The following IGLL5 variants were observed in gnomAD, a reference collection of about 807,000 sequenced individuals.
IGLL5 encodes the protein immunoglobulin lambda like polypeptide 5.
In IGLL5, 30 loss-of-function variants were observed where a neutral mutation model predicts 20.9. That is an observed-to-expected ratio of 1.44 (90% CI 1.07 to 1.95). The LOEUF is 1.95. IGLL5 is among the 30% of genes most tolerant of loss of function. The probability of loss-of-function intolerance (pLI) is 0.00; values close to 1 mark genes in which losing one functional copy is unlikely to be tolerated. For synonymous variants in IGLL5, 203 were observed against 117.3 expected (o/e 1.73, Z -4.72); for missense variants, 475 against 270.7 (o/e 1.75, Z -5.30).
chr22:22,894,527 G>A (rs2066664271), intron 2 of IGLL5, among the ~76,000 whole-genome samples: 1 of 151,560 alleles, frequency 6.6e-6, no homozygotes, highest in East Asian at 2.0e-4. Flanking sequence ...CACCTCTGGG[G>A]CCCAGTGTCT....
chr22:22,888,409 T>C (rs1305506821), intron 1 of IGLL5, 150 bp downstream of exon 1: 15 of 643,174 alleles, frequency 2.3e-5, no homozygotes, highest in Middle Eastern at 8.6e-4. Flanking sequence ...GGGTTGATAT[T>C]TTGTCCATCA....
rs757090335 is a variant in IGLL5, at chr22:22,893,802, C to T, written c.309C>T (p.Thr103=). 24 of 1,610,414 alleles carry T rather than the reference C, an allele frequency of 1.5e-5. No homozygotes were observed. Among genetic ancestry groups the T allele is most frequent in the Non-Finnish European group, 1.8e-5 (21 of 1,177,442 alleles). Residue 103 remains threonine (T), a synonymous_variant, in exon 2 of 3, where the codon ACC becomes ACT. Transcript: ENST00000526893. ...QSLCYVFGTG[T]KVTVLGQPKA... ...TGTGTTATGTCTTCGGAACTGGGAC[C>T]AAGGTCACCGTCCTAGGTAAGTGGC...
rs1016204103 is a variant in IGLL5, at chr22:22,893,361, T to C, written c.207-339T>C. On this transcript the variant is annotated intron_variant, in intron 1 of 2. Coordinates refer to ENST00000526893, the MANE Select transcript of IGLL5 (RefSeq NM_001178126.2). ...AATCCAGGGAGAAAGCCAGCCTGGC[T>C]TCACTGGGGACACTTGTGTGGGGGA... 2.6e-5 allele frequency among the ~76,000 whole-genome samples: 4 copies of C among 151,158 alleles called. 1 individual carries two copies. The highest frequency in any genetic ancestry group is 6.6e-5 in the Admixed American group (1 of 15,088).
At chr22:22,893,874 T>C (rs1394258014) in intron 2 of IGLL5, 56 bp downstream of exon 2, 11 of 1,206,082 alleles carry the variant, frequency 9.1e-6, no homozygotes, top group Admixed American at 3.4e-5. Context: ...CCCTGGAAAA[T>C]CTGTTTTCTC....
At chr22:22,890,133 A>T (rs2067778090) in intron 1 of IGLL5, among the ~76,000 whole-genome samples, 1 of 150,522 alleles carries the variant, frequency 6.6e-6, no homozygotes, top group African/African-American at 2.4e-5. Context: ...TACAAAATGT[A>T]ATGACTTTTG....
intron 2 of IGLL5, 149 bp downstream of exon 2, chr22:22,893,967 T>G (rs768028998): frequency 2.0e-5 from 14 of 686,064 alleles, no homozygotes; most frequent in Admixed American, 4.3e-5. Flanking sequence ...GGAGGTGCAT[T>G]AGTCTCCGGG....
intron 1 of IGLL5, among the ~76,000 whole-genome samples, chr22:22,889,499 A>G (rs2067726465): frequency 1.3e-5 from 2 of 151,296 alleles, no homozygotes; most frequent in Admixed American, 6.6e-5. Flanking sequence ...AAGGGTGGTT[A>G]GCTCAGCATT....
At chr22:22,889,199 A>G (rs1601606858) in intron 1 of IGLL5, among the ~76,000 whole-genome samples, 2 of 151,030 alleles carry the variant, frequency 1.3e-5, no homozygotes, top group African/African-American at 4.9e-5. Flanking sequence ...GTAGGTGGGG[A>G]TCCTGGAGGA....
At chr22:22,889,230 G>C (rs2067698625) in intron 1 of IGLL5, among the ~76,000 whole-genome samples, 2 of 151,066 alleles carry the variant, frequency 1.3e-5, no homozygotes, top group African/African-American at 2.4e-5. Context: ...TGGGGATGGG[G>C]AGGACACTCA....
chr22:22,888,938 A>G (rs553543229), intron 1 of IGLL5, among the ~76,000 whole-genome samples: 4 of 151,304 alleles, frequency 2.6e-5, no homozygotes, highest in East Asian at 4.0e-4. Flanking sequence ...GGTGCCCCCA[A>G]AAGACAGAGC....
chr22:22,893,924 C>A (rs118102969), intron 2 of IGLL5, 106 bp downstream of exon 2: 19 of 825,270 alleles, frequency 2.3e-5, no homozygotes, highest in Admixed American at 7.3e-5. Context: ...CAGCCTTAAG[C>A]ACTGACCCTT....
intron 2 of IGLL5, among the ~76,000 whole-genome samples, chr22:22,894,728 C>T (rs567222561): frequency 2.6e-5 from 4 of 151,244 alleles, no homozygotes; most frequent in East Asian, 4.1e-4. Flanking sequence ...CCAGGAACAG[C>T]TGAGGTGAAG....
In IGLL5 at chr22:22,887,876, C is replaced by T. The variant is rs2067552063; in HGVS notation, c.-178C>T. The stretch of plus-strand genomic sequence containing the variant: ...GGGAGAGATCCCCAGGGGTGACAGC[C>T]ATGGACCCTGGAAGGGCCTGGGCTA... On this transcript the variant is annotated 5_prime_UTR_variant, in exon 1 of 3. Transcript: ENST00000526893. The T allele has an allele frequency of 6.1e-6, 4 of 652,768 alleles. No homozygotes were observed. In the East Asian group the frequency reaches 1.1e-4, roughly 18 times the overall value. 40.4% of individuals were successfully genotyped at this position (652,768 alleles called of 1,614,324 possible).
intron 2 of IGLL5, among the ~76,000 whole-genome samples, chr22:22,894,848 G>C (rs553129962): frequency 2.0e-5 from 3 of 151,470 alleles, no homozygotes; most frequent in Admixed American, 6.6e-5. Context: ...AGTGGGCTGG[G>C]CTGGGGCAGA....
At chr22:22,894,138 T>C (rs184117924) in intron 2 of IGLL5, among the ~76,000 whole-genome samples, 7 of 151,350 alleles carry the variant, frequency 4.6e-5, no homozygotes, top group Middle Eastern at 3.8e-3. Flanking sequence ...GCAGTGTCCT[T>C]AGGGACATTG....
At chr22:22,893,842 A>T (rs758364004) in intron 2 of IGLL5, 24 bp downstream of exon 2, 1 of 1,457,288 alleles carries the variant, frequency 6.9e-7, no homozygotes, top group Non-Finnish European at 9.6e-7. Context: ...AACCTTTCCC[A>T]GCCTGTCTCA....
chr22:22,891,026 A>G (rs1052130196), intron 1 of IGLL5, among the ~76,000 whole-genome samples: 2 of 150,998 alleles, frequency 1.3e-5, no homozygotes, highest in South Asian at 2.1e-4. Flanking sequence ...TATTGTAAAT[A>G]TTTTTCCCTG....
At chr22:22,894,051 G>A (rs1262349574) in intron 2 of IGLL5, among the ~76,000 whole-genome samples, 2 of 151,508 alleles carry the variant, frequency 1.3e-5, no homozygotes, top group Non-Finnish European at 2.9e-5. Flanking sequence ...CTGGGATTGG[G>A]CAGGGTCAGG....
chr22:22,894,635 G>T (rs537022407), intron 2 of IGLL5, among the ~76,000 whole-genome samples: 2 of 151,030 alleles, frequency 1.3e-5, no homozygotes, highest in East Asian at 2.0e-4. Flanking sequence ...GAACTCCATG[G>T]CTACCAGGTG....
Sources: gnomAD v4.1 joint callset for allele counts (sites outside exome capture counted in the v4.1 genomes callset) on GRCh38, gnomAD v4.1.1 for gene constraint, MANE v1.5 for transcripts, NCBI Gene and HGNC (gene_info 2026-07-23, HGNC 2026-07-21) for gene names.